POLN: variants seen among roughly 807,000 people sequenced by gnomAD.
POLN encodes DNA polymerase N.
In POLN, 108 loss-of-function variants were observed where a neutral mutation model predicts 113.5. The ratio of observed to expected loss-of-function variants is 0.95; its 90% CI spans 0.81 to 1.12. POLN has a LOEUF of 1.12. Among genes scored for constraint, POLN ranks in the 50% most tolerant of loss-of-function variants. POLN has a pLI of 0.00. For missense variants in POLN, 1,097 were observed against 1,077.1 expected, an observed-to-expected ratio of 1.02 and a Z score of -0.26; for synonymous variants, 386 against 391.5, an observed-to-expected ratio of 0.99 and a Z score of 0.17.
chr4:2,158,846 T>C (rs546295458), intron 14 of POLN, among the ~76,000 whole-genome samples: 1 of 152,180 alleles, frequency 6.6e-6, no homozygotes, highest in Non-Finnish European at 1.5e-5. Flanking sequence ...GCTTTGAGAC[T>C]AGGTACTGCT....
chr4:2,206,519 C>T (rs1341306671), intron 5 of POLN, among the ~76,000 whole-genome samples: 1 of 152,146 alleles, frequency 6.6e-6, no homozygotes, highest in African/African-American at 2.4e-5. Context: ...GACTAATATC[C>T]AGAATCTACA....
intron 15 of POLN, 136 bp downstream of exon 15, chr4:2,157,722 C>CAAAAAAAAAAAAAAAAAAAA (rs71644319): frequency 7.6e-6 from 1 of 131,818 alleles, no homozygotes; most frequent in Non-Finnish European, 1.4e-5. Context: ...GACTCTGTCT[C>CAAAAAAAAAAAAAAAAAAAA]AAAAAAAAAA....
intron 16 of POLN, among the ~76,000 whole-genome samples, chr4:2,139,213 C>T (rs1291134732): frequency 3.3e-5 from 5 of 152,286 alleles, no homozygotes; most frequent in East Asian, 1.9e-4. Context: ...GCCACGGAAA[C>T]GGGCCAGGCC....
rs1170075470 is a variant in POLN at position 2,075,602 on chromosome 4, A to G, written c.2388-83T>C. The G allele has an allele frequency of 3.4e-6, 5 of 1,451,870 alleles. No individual in the cohort carries two copies. The African/African-American group carries it at 4.2e-5, about 12-fold the overall frequency. 89.9% of individuals were successfully genotyped at this position (1,451,870 alleles called of 1,614,324 possible). On this transcript the variant is annotated intron_variant, in intron 23 of 25. Coordinates refer to ENST00000511885, the MANE Select transcript of POLN (RefSeq NM_181808.4). ...AGCCTGGCAGGGAGGGAGGGAGTCA[A>G]CCTGGGAGGCCAGGACTGTGAGGCG...
intron 20 of POLN, among the ~76,000 whole-genome samples, chr4:2,091,800 T>TGTGTGTGTGTGTGTGCGCGC (rs577896956): frequency 1.4e-5 from 2 of 144,848 alleles, no homozygotes; most frequent in Non-Finnish European, 3.0e-5. Flanking sequence ...TGTGTGTGTG[T>TGTGTGTGTGTGTGTGCGCGC]GCGCGCGCTA....
At position 2,242,096 on chromosome 4, in the gene POLN, C is replaced by G; in HGVS notation, c.-329G>C. The stretch of plus-strand genomic sequence containing the variant: ...TCTCGCAGGAGCCCGCCGCCACCGC[C>G]CTCCGTGCCCCGCGCGCCTCGCACT... On this transcript the variant is annotated 5_prime_UTR_variant, in exon 1 of 26. Transcript: ENST00000511885. The G allele has an allele frequency of 1.0e-6, 1 of 985,890 alleles. No individual in the cohort carries two copies. Among genetic ancestry groups the G allele is most frequent in the Non-Finnish European group, 1.2e-6 (1 of 830,264 alleles). 61.1% of individuals were successfully genotyped at this position (985,890 alleles called of 1,614,324 possible). A position where few individuals can be genotyped will look rare whatever the true frequency, so the allele number is the denominator to read the frequency against.
At chr4:2,104,011 A>G (rs1330511012) in intron 19 of POLN, among the ~76,000 whole-genome samples, 1 of 152,258 alleles carries the variant, frequency 6.6e-6, no homozygotes, top group African/African-American at 2.4e-5. Context: ...ATTCACCATC[A>G]TGGAAACATA....
At chr4:2,091,743 C>T (rs933162886) in intron 20 of POLN, among the ~76,000 whole-genome samples, 3 of 149,834 alleles carry the variant, frequency 2.0e-5, no homozygotes, top group East Asian at 4.0e-4. Flanking sequence ...TAACCCTATC[C>T]GGTGGGTACA....
chr4:2,158,207 C>A (rs1381954597), intron 14 of POLN, among the ~76,000 whole-genome samples: 1 of 152,180 alleles, frequency 6.6e-6, no homozygotes, highest in African/African-American at 2.4e-5. Context: ...CCACCTCAGC[C>A]TCCCACAGTG....
At chr4:2,083,722 A>C (rs1730484699) in intron 21 of POLN, among the ~76,000 whole-genome samples, 2 of 152,264 alleles carry the variant, frequency 1.3e-5, no homozygotes, top group South Asian at 2.1e-4. Context: ...ACACAGAGAA[A>C]GCAGGGGACC....
At chr4:2,218,920 G>A (rs1734186837) in intron 3 of POLN, among the ~76,000 whole-genome samples, 1 of 152,156 alleles carries the variant, frequency 6.6e-6, no homozygotes. Flanking sequence ...ATATGACAGG[G>A]ACCACCCTGT....
chr4:2,110,554 G>T, intron 19 of POLN, among the ~76,000 whole-genome samples: 1 of 151,862 alleles, frequency 6.6e-6, no homozygotes, highest in South Asian at 2.1e-4. Flanking sequence ...ATGACAAAGG[G>T]GATATCACCA....
In POLN at chr4:2,229,104, G is replaced by A. The variant is rs890126905; in HGVS notation, c.128C>T (p.Thr43Ile). 1.1e-5 allele frequency: 17 copies of A among 1,597,898 alleles called. No individual in the cohort carries two copies. Among genetic ancestry groups the A allele is most frequent in the South Asian group, 2.3e-5 (2 of 88,832 alleles). The change falls in exon 3 of 26, where the codon ACA becomes ATA. Residue 43 changes from threonine to isoleucine, a missense_variant. By Grantham distance (89) the Thr-to-Ile change is moderately conservative. Coordinates refer to ENST00000511885, the MANE Select transcript of POLN (RefSeq NM_181808.4). The stretch of plus-strand genomic sequence containing the variant: ...GGTTCATAAAAATTACTTACTCTCT[G>A]TACTCTTTCCCCAAGTCTTAGAATC... The part of the protein sequence containing the change: ...LVDSKTWGKS[T>I]ETMEVINKSS...
intron 16 of POLN, among the ~76,000 whole-genome samples, chr4:2,151,891 T>C (rs1363346884): frequency 6.6e-6 from 1 of 152,186 alleles, no homozygotes; most frequent in East Asian, 1.9e-4. Flanking sequence ...GCAATGACTC[T>C]TTTTTCCTTC....
rs754551488 is a variant in POLN at position 2,156,543 on chromosome 4, A to G, written c.1731+245T>C. On this transcript the variant is annotated intron_variant, in intron 16 of 25. Transcript: ENST00000511885. ...GTACGGGTGTCCTTTTTGCCTGCAC[A>G]CTGGAGTGCATGGGTTTCTGGGTGT... 1.1e-5 allele frequency: 6 copies of G among 536,160 alleles called. No homozygotes were observed. The East Asian group carries it at 1.4e-4, about 12-fold the overall frequency. The allele number at this position is 536,160 out of a possible 1,614,324, so 33.2% of individuals were successfully genotyped here. A position where few individuals can be genotyped will look rare whatever the true frequency, so the allele number is the denominator to read the frequency against.
intron 21 of POLN, among the ~76,000 whole-genome samples, chr4:2,085,236 T>C (rs1730518810): frequency 6.6e-6 from 1 of 152,220 alleles, no homozygotes; most frequent in Admixed American, 6.5e-5. Flanking sequence ...CTATGTCCTA[T>C]TGGATATTCT....
intron 13 of POLN, among the ~76,000 whole-genome samples, chr4:2,163,766 A>T (rs55829085): frequency 6.6e-6 from 1 of 152,138 alleles, no homozygotes; most frequent in Non-Finnish European, 1.5e-5. Context: ...AGGGCAGAGG[A>T]CCATTATCCC....
At chr4:2,206,893 A>G (rs768469671) in intron 5 of POLN, among the ~76,000 whole-genome samples, 1 of 152,242 alleles carries the variant, frequency 6.6e-6, no homozygotes, top group Non-Finnish European at 1.5e-5. Flanking sequence ...CAATCCCACT[A>G]CTGGGTATCT....
intron 19 of POLN, among the ~76,000 whole-genome samples, 176 bp from the exon 20 acceptor site, chr4:2,096,109 G>A (rs1730783901): frequency 6.6e-6 from 1 of 152,200 alleles, no homozygotes; most frequent in East Asian, 1.9e-4. Flanking sequence ...CTCAGCAAGG[G>A]CCCCAGGCAG....
Sources: gnomAD v4.1 joint callset for allele counts (sites outside exome capture counted in the v4.1 genomes callset) on GRCh38, gnomAD v4.1.1 for gene constraint, MANE v1.5 for transcripts, NCBI Gene and HGNC (gene_info 2026-07-23, HGNC 2026-07-21) for gene names.